Variants in CAMTA1 observed in about 807,000 individuals in gnomAD.
CAMTA1 encodes the protein calmodulin-binding transcription activator 1.
CAMTA1 carries 27 observed loss-of-function variants against 170.9 expected under a neutral mutation model. The observed-to-expected ratio is 0.16, with a 90% CI of 0.12 to 0.22. CAMTA1 has a LOEUF of 0.22. Ranked by LOEUF, CAMTA1 falls within the 10% of genes least tolerant of loss-of-function variation. The pLI is 1.00. For synonymous variants in CAMTA1, 833 were observed against 891.5 expected (o/e 0.93, Z 1.17); for missense variants, 1,619 against 2,217.2 (o/e 0.73, Z 5.42).
intron 4 of CAMTA1, among the ~76,000 whole-genome samples, chr1:7,236,387 C>T (rs139895437): frequency 5.3e-5 from 8 of 152,320 alleles, no homozygotes; most frequent in Admixed American, 2.0e-4. Context: ...AGGCTCAGCC[C>T]GCCCTTGCTC....
chr1:6,817,621 G>A (rs370827845), intron 1 of CAMTA1, among the ~76,000 whole-genome samples: 2 of 152,310 alleles, frequency 1.3e-5, no homozygotes. Context: ...TACCACAGAT[G>A]TTATCATAGT....
At chr1:7,405,103 G>T (rs886228855) in intron 5 of CAMTA1, among the ~76,000 whole-genome samples, 1 of 152,042 alleles carries the variant, frequency 6.6e-6, no homozygotes, top group South Asian at 2.1e-4. Context: ...GTCTCTGTGG[G>T]CTAAGAGGTC....
At chr1:6,963,013 C>G (rs776633122) in intron 3 of CAMTA1, among the ~76,000 whole-genome samples, 1 of 151,368 alleles carries the variant, frequency 6.6e-6, no homozygotes, top group African/African-American at 2.4e-5. Context: ...CCACCCTGGC[C>G]CCGCCCTGTG....
chr1:7,138,554 C>G (rs946313591), intron 4 of CAMTA1, among the ~76,000 whole-genome samples: 1 of 152,158 alleles, frequency 6.6e-6, no homozygotes, highest in Non-Finnish European at 1.5e-5. Context: ...ATGTTTTCTC[C>G]CATCCCGCCT....
intron 4 of CAMTA1, among the ~76,000 whole-genome samples, chr1:7,219,948 G>A (rs114419257): frequency 0.022 from 3,356 of 152,260 alleles, 123 homozygotes; most frequent in African/African-American, 0.075. Context: ...GAAGGTGGCC[G>A]TCTGTAGGCC....
At chr1:7,198,431 G>A (rs1354337398) in intron 4 of CAMTA1, among the ~76,000 whole-genome samples, 1 of 152,012 alleles carries the variant, frequency 6.6e-6, no homozygotes, top group Non-Finnish European at 1.5e-5. Flanking sequence ...GTGCTGACCT[G>A]TGTGTGCCCC....
chr1:7,707,271 C>G (rs1484629224), intron 11 of CAMTA1, among the ~76,000 whole-genome samples: 3 of 152,158 alleles, frequency 2.0e-5, no homozygotes, highest in Non-Finnish European at 4.4e-5. Context: ...TGGGGCTGTT[C>G]TAGAATCCAG....
In CAMTA1 at chr1:7,402,468, T is replaced by C. The variant is rs148621252; in HGVS notation, c.439-65362T>C. 4.8e-4 allele frequency among the ~76,000 whole-genome samples: 73 copies of C among 152,334 alleles called. 1 individual carries two copies. The East Asian group carries it at 0.014, about 29-fold the overall frequency. On this transcript the variant is annotated intron_variant, in intron 5 of 22. Transcript: ENST00000303635. ...ATGATAGGCAGCACTGTCCCCCAGC[T>C]TGGGGTTAGATATCTGTCCCATCGC... is the stretch of plus-strand genomic sequence containing the variant.
At chr1:7,259,996 A>G (rs944023008) in intron 5 of CAMTA1, among the ~76,000 whole-genome samples, 4 of 152,232 alleles carry the variant, frequency 2.6e-5, no homozygotes, top group African/African-American at 9.6e-5. Context: ...AAGATTTTGA[A>G]TGAATGGACC....
At chr1:7,174,251 A>C (rs1016159210) in intron 4 of CAMTA1, among the ~76,000 whole-genome samples, 8 of 152,214 alleles carry the variant, frequency 5.3e-5, no homozygotes, top group Non-Finnish European at 1.5e-5. Flanking sequence ...CCCCAGCTGC[A>C]ACCGCTATAC....
At chr1:7,340,234 T>C (rs1167161054) in intron 5 of CAMTA1, among the ~76,000 whole-genome samples, 4 of 152,214 alleles carry the variant, frequency 2.6e-5, no homozygotes, top group Non-Finnish European at 4.4e-5. Flanking sequence ...CCCACAGTTA[T>C]AGTGTGCCAA....
chr1:7,635,112 G>T lies in CAMTA1; in HGVS notation c.511-5288G>T, dbSNP rs1576510401. 6.6e-6 allele frequency among the ~76,000 whole-genome samples: 1 copy of T among 152,318 alleles called. No homozygotes were observed. The highest frequency in any genetic ancestry group is 2.4e-5 in the African/African-American group (1 of 41,576). Reference sequence around the variant, plus strand: ...ACTGACCAGGCCTCCAGGAAAGCAAGGGCTCATCTCCAAAGGTCACGATCA... The same window carrying T: ...ACTGACCAGGCCTCCAGGAAAGCAATGGCTCATCTCCAAAGGTCACGATCA... On this transcript the variant is annotated intron_variant, in intron 6 of 22. Transcript: ENST00000303635. The surrounding 1 kb of genome is among the most constrained non-coding windows in gnomAD (Gnocchi z 4.4).
chr1:7,620,407 G>A (rs1576437532), intron 6 of CAMTA1, among the ~76,000 whole-genome samples: 1 of 152,322 alleles, frequency 6.6e-6, no homozygotes, highest in East Asian at 1.9e-4. Context: ...CTCCCATGAT[G>A]CTTTGCCCCC....
chr1:7,731,540 C>T (rs2096733125), intron 11 of CAMTA1, among the ~76,000 whole-genome samples: 1 of 150,722 alleles, frequency 6.6e-6, no homozygotes, highest in African/African-American at 2.4e-5. Context: ...CCATTGCACT[C>T]CAGCCTGGGC....
At chr1:7,276,459 C>T (rs891503367) in intron 5 of CAMTA1, among the ~76,000 whole-genome samples, 14 of 150,802 alleles carry the variant, frequency 9.3e-5, no homozygotes, top group Non-Finnish European at 1.3e-4. Flanking sequence ...TACAGGCGCC[C>T]GCCACCATGC....
In CAMTA1 at chr1:7,044,653, A is replaced by G. The variant is rs1705065858; in HGVS notation, c.235-46651A>G. Among the ~76,000 whole-genome samples, 1 of 152,160 alleles carries G rather than the reference A, an allele frequency of 6.6e-6. No homozygotes were observed. ...TTGGAGACCTGGCATTTGGAGCCTG[A>G]ATGAGCCAGAGACAGGAAGCCTGTC... On this transcript the variant is annotated intron_variant, in intron 3 of 22. Coordinates refer to ENST00000303635, the MANE Select transcript of CAMTA1 (RefSeq NM_015215.4). This position sits in a 1 kb window ranked among gnomAD's most constrained non-coding sequence, Gnocchi z 5.0.
chr1:7,497,564 G>A (rs903916627), intron 6 of CAMTA1, among the ~76,000 whole-genome samples: 5 of 152,204 alleles, frequency 3.3e-5, no homozygotes, highest in Non-Finnish European at 7.4e-5. Context: ...CACGTTCCTG[G>A]TGAGATTCTA....
intron 4 of CAMTA1, among the ~76,000 whole-genome samples, chr1:7,117,069 A>G (rs987173336): frequency 6.0e-5 from 9 of 150,694 alleles, no homozygotes; most frequent in African/African-American, 2.0e-4. Flanking sequence ...CCCAGGTTCA[A>G]GTGATCTCCT....
Position 7,712,000 on chromosome 1 carries a change from C to T in CAMTA1, c.2915-20448C>T, listed in dbSNP as rs534808381. Among the ~76,000 whole-genome samples the T allele has an allele frequency of 2.8e-5, 4 of 145,134 alleles. No homozygotes were observed. In the South Asian group the frequency reaches 8.3e-4, roughly 30 times the overall value. ...AGAAATAATTAAAATAATGTGTGTG[C>T]ACATATATATGCATATTATAAAACA... On this transcript the variant is annotated intron_variant, in intron 11 of 22. Transcript: ENST00000303635.
Sources: gnomAD v4.1 joint callset for allele counts (sites outside exome capture counted in the v4.1 genomes callset) on GRCh38, gnomAD v4.1.1 for gene constraint, Gnocchi (gnomAD v3.1) non-coding constraint, MANE v1.5 for transcripts, NCBI Gene and HGNC (gene_info 2026-07-23, HGNC 2026-07-21) for gene names.